TOX2: variants seen among roughly 807,000 people sequenced by gnomAD.
The protein encoded by TOX2 is granulosa cell HMG box 1.
In TOX2, 15 loss-of-function variants were observed where a neutral mutation model predicts 47.4. The observed-to-expected ratio is 0.32, with a 90% CI of 0.21 to 0.49. The LOEUF (loss-of-function observed/expected upper bound fraction) is 0.49, where lower values mean the gene tolerates loss of function less well. TOX2 is among the 20% of genes least tolerant of loss of function. TOX2 has a pLI of 0.99. For synonymous variants in TOX2, 290 were observed against 296.6 expected (o/e 0.98, Z 0.23); for missense variants, 622 against 673.1 (o/e 0.92, Z 0.84).
chr20:44,017,292 C>T (rs78200601), intron 3 of TOX2, among the ~76,000 whole-genome samples: 2,801 of 152,256 alleles, frequency 0.018, 64 homozygotes, highest in African/African-American at 0.045. Flanking sequence ...CTTTGTTGTC[C>T]GCTGAGTAGG....
intron 1 of TOX2, among the ~76,000 whole-genome samples, chr20:43,926,995 A>G (rs975825748): frequency 6.6e-6 from 1 of 152,212 alleles, no homozygotes; most frequent in Admixed American, 6.5e-5. Context: ...GTGGCTGTGG[A>G]AGCCACCCTG....
At position 43,981,506 on chromosome 20, in the gene TOX2, A is replaced by G. The variant is rs151064224; in HGVS notation, c.165+8074A>G. Among the ~76,000 whole-genome samples the G allele has an allele frequency of 2.4e-3, 362 of 152,332 alleles. 1 individual carries two copies. The highest frequency in any genetic ancestry group is 8.1e-3 in the African/African-American group (338 of 41,578). ...GAGTGGCTTTGCGCGTTGTACATGCATGTACCTCTGTGTGTGTGTGCGTGG... is the reference window on the plus strand; with the variant it reads ...GAGTGGCTTTGCGCGTTGTACATGCGTGTACCTCTGTGTGTGTGTGCGTGG... On this transcript the variant is annotated intron_variant, in intron 2 of 8. Transcript: ENST00000341197.
At chr20:43,949,248 G>T (rs2069518807) in intron 1 of TOX2, among the ~76,000 whole-genome samples, 1 of 152,178 alleles carries the variant, frequency 6.6e-6, no homozygotes, top group Non-Finnish European at 1.5e-5. Flanking sequence ...TAATCCAACT[G>T]CACTTGCTGC....
intron 3 of TOX2, among the ~76,000 whole-genome samples, chr20:44,036,000 C>A (rs2145703237): frequency 6.6e-6 from 1 of 152,292 alleles, no homozygotes; most frequent in African/African-American, 2.4e-5. Context: ...CGGGGCTGGG[C>A]CTTTGAACCC....
At chr20:43,982,445 TAGAG>T in intron 2 of TOX2, among the ~76,000 whole-genome samples, 1 of 152,206 alleles carries the variant, frequency 6.6e-6, no homozygotes, top group African/African-American at 2.4e-5. Flanking sequence ...AAGCTGCTTT[TAGAG>T]AGAAGACGGG....
At chr20:43,989,194 A>G (rs1236645465) in intron 2 of TOX2, among the ~76,000 whole-genome samples, 1 of 152,128 alleles carries the variant, frequency 6.6e-6, no homozygotes. Flanking sequence ...TTGTGTGCAC[A>G]TTACAGATTG....
At chr20:44,010,976 TCTC>T (rs1158011587) in intron 3 of TOX2, among the ~76,000 whole-genome samples, 1 of 152,056 alleles carries the variant, frequency 6.6e-6, no homozygotes, top group African/African-American at 2.4e-5. Context: ...CAGCCTCGCT[TCTC>T]CTCCGGCTCC....
chr20:43,958,392 C>T (rs774211591), intron 1 of TOX2, among the ~76,000 whole-genome samples: 1 of 152,156 alleles, frequency 6.6e-6, no homozygotes, highest in South Asian at 2.1e-4. Flanking sequence ...TCTAGACACC[C>T]CTTCTTCCCC....
chr20:43,980,255 T>C (rs1311659208), intron 2 of TOX2, among the ~76,000 whole-genome samples: 1 of 152,090 alleles, frequency 6.6e-6, no homozygotes, highest in Admixed American at 6.5e-5. Flanking sequence ...TCATGTTAAG[T>C]GAAATAAGCC....
chr20:43,927,618 TTCCTTCC>T (rs1202180585), intron 1 of TOX2, among the ~76,000 whole-genome samples: 2,136 of 79,162 alleles, frequency 0.027, 119 homozygotes, highest in African/African-American at 0.086. Flanking sequence ...CCTTCCTTCC[TTCCTTCC>T]TCCTTCCTTC....
chr20:43,927,256 T>G (rs1360439926), intron 1 of TOX2, among the ~76,000 whole-genome samples: 1 of 152,176 alleles, frequency 6.6e-6, no homozygotes, highest in African/African-American at 2.4e-5. Context: ...TTTCCTCAGG[T>G]TTCCAGGGGA....
chr20:44,032,004 T>C (rs1454463505), intron 3 of TOX2, among the ~76,000 whole-genome samples: 1 of 152,160 alleles, frequency 6.6e-6, no homozygotes, highest in African/African-American at 2.4e-5. Context: ...AAATAAGTCA[T>C]GCAGTATGTT....
At chr20:44,006,139 G>C (rs1413023135) in intron 2 of TOX2, among the ~76,000 whole-genome samples, 11 of 152,326 alleles carry the variant, frequency 7.2e-5, no homozygotes, top group African/African-American at 2.6e-4. Context: ...GGATACTTCA[G>C]CTCCATTCCC....
At chr20:43,997,363 C>T (rs191791614) in intron 2 of TOX2, among the ~76,000 whole-genome samples, 3 of 152,236 alleles carry the variant, frequency 2.0e-5, no homozygotes, top group Non-Finnish European at 4.4e-5. Context: ...ATTTTTAACA[C>T]ATTTCTCTCA....
chr20:44,006,866 T>C, intron 3 of TOX2, 74 bp downstream of exon 3: 2 of 1,516,304 alleles, frequency 1.3e-6, no homozygotes, highest in Non-Finnish European at 1.8e-6. Flanking sequence ...CAGAAGAATG[T>C]TGATGCTTTG....
rs1569003416 is a variant in TOX2 at position 43,927,623 on chromosome 20, TCCTCCTTCCTTCCTTCCTCCCCTTC to T, written c.99+12637_99+12661del. On this transcript the variant is annotated intron_variant, in intron 1 of 8. Coordinates refer to ENST00000341197, the MANE Select transcript of TOX2 (RefSeq NM_001098797.2). ...TTCCTTCCTTCCTTCCTTCCTTCCT[TCCTCCTTCCTTCCTTCCTCCCCTTC>T]CCTTCCCTTCCCCTTCCTTCCTTCC... Among the ~76,000 whole-genome samples, 4 of 75,838 alleles carry T rather than the reference TCCTCCTTCCTTCCTTCCTCCCCTTC, an allele frequency of 5.3e-5. No individual in the cohort carries two copies. The African/African-American group carries it at 5.5e-4, about 10-fold the overall frequency. 49.8% of individuals were successfully genotyped at this position (75,838 alleles called of 152,430 possible).
chr20:44,064,915 G>A, intron 6 of TOX2, 58 bp downstream of exon 6: 2 of 1,549,698 alleles, frequency 1.3e-6, no homozygotes, highest in Non-Finnish European at 1.8e-6. Flanking sequence ...TTGAGGAATG[G>A]AGCAAGAACT....
intron 5 of TOX2, among the ~76,000 whole-genome samples, chr20:44,058,800 A>G (rs6031330): frequency 0.03 from 4,588 of 152,296 alleles, 251 homozygotes; most frequent in African/African-American, 0.11. Flanking sequence ...AGAAATAACA[A>G]TCACTGCAGC....
intron 2 of TOX2, among the ~76,000 whole-genome samples, chr20:43,981,100 A>G (rs2070161940): frequency 6.6e-6 from 1 of 152,260 alleles, no homozygotes; most frequent in South Asian, 2.1e-4. Flanking sequence ...GCTAAGAATC[A>G]TTCATAAATC....
Sources: gnomAD v4.1 joint callset for allele counts (sites outside exome capture counted in the v4.1 genomes callset) on GRCh38, gnomAD v4.1.1 for gene constraint, MANE v1.5 for transcripts, NCBI Gene and HGNC (gene_info 2026-07-23, HGNC 2026-07-21) for gene names.